The following XRCC4 variants were observed in gnomAD, a reference collection of about 807,000 sequenced individuals.
The protein encoded by XRCC4 is X-ray repair cross complementing 4, also known as DNA repair protein XRCC4.
In XRCC4, 28 loss-of-function variants were observed where a neutral mutation model predicts 39.1. That is an observed-to-expected ratio of 0.72 (90% CI 0.53 to 0.98). XRCC4 has a LOEUF of 0.98. XRCC4 is among the 50% of genes least tolerant of loss of function. The pLI, the probability that XRCC4 is intolerant of heterozygous loss-of-function variation, is 0.00. For synonymous variants in XRCC4, 123 were observed against 126.4 expected, an observed-to-expected ratio of 0.97 and a Z score of 0.18; for missense variants, 350 against 376.4, an observed-to-expected ratio of 0.93 and a Z score of 0.58.
chr5:83,198,155 A>AGAGTTGGG (rs1213329956), intron 4 of XRCC4, among the ~76,000 whole-genome samples: 1 of 152,184 alleles, frequency 6.6e-6, no homozygotes. Context: ...GAGAATCATT[A>AGAGTTGGG]GAGTTGGGGC....
chr5:83,218,080 T>TATATATATATATA, intron 6 of XRCC4, among the ~76,000 whole-genome samples: 1 of 129,186 alleles, frequency 7.7e-6, no homozygotes, highest in South Asian at 2.6e-4. Context: ...ATATATATAT[T>TATATATATATATA]TATTAGATTT....
At chr5:83,110,522 T>C (rs551918633) in intron 2 of XRCC4, among the ~76,000 whole-genome samples, 21 of 152,164 alleles carry the variant, frequency 1.4e-4, no homozygotes, top group African/African-American at 4.6e-4. Flanking sequence ...TCCTATTATT[T>C]CCTTATCATC....
At chr5:83,288,778 G>T (rs961261200) in intron 7 of XRCC4, among the ~76,000 whole-genome samples, 2 of 151,634 alleles carry the variant, frequency 1.3e-5, no homozygotes, top group Non-Finnish European at 2.9e-5. Flanking sequence ...TTGAGTTTCC[G>T]CTATGGTGTT....
At chr5:83,139,895 G>C (rs1748084858) in intron 3 of XRCC4, among the ~76,000 whole-genome samples, 1 of 152,122 alleles carries the variant, frequency 6.6e-6, no homozygotes, top group African/African-American at 2.4e-5. Context: ...TTTATGGTTG[G>C]TTGTATACTC....
At chr5:83,261,915 A>C (rs763618239) in intron 7 of XRCC4, among the ~76,000 whole-genome samples, 17 of 152,118 alleles carry the variant, frequency 1.1e-4, no homozygotes, top group Non-Finnish European at 1.6e-4. Flanking sequence ...TTTACAATGT[A>C]ACATATTAAG....
intron 4 of XRCC4, among the ~76,000 whole-genome samples, chr5:83,197,312 T>C (rs1455455132): frequency 6.6e-6 from 1 of 152,128 alleles, no homozygotes; most frequent in Non-Finnish European, 1.5e-5. Context: ...GTGTATTTTC[T>C]ATTTAATATG....
chr5:83,125,516 A>G (rs1289331623), intron 3 of XRCC4, among the ~76,000 whole-genome samples: 3 of 152,220 alleles, frequency 2.0e-5, no homozygotes, highest in Non-Finnish European at 4.4e-5. Context: ...TTCTAACACC[A>G]TTAGTTGAAA....
intron 1 of XRCC4, among the ~76,000 whole-genome samples, chr5:83,100,666 A>C (rs1320590109): frequency 6.6e-6 from 1 of 152,114 alleles, no homozygotes; most frequent in Non-Finnish European, 1.5e-5. Flanking sequence ...TGGAAATACT[A>C]TAGAGGCAAA....
At chr5:83,286,402 G>A (rs1043122037) in intron 7 of XRCC4, among the ~76,000 whole-genome samples, 5 of 152,040 alleles carry the variant, frequency 3.3e-5, no homozygotes, top group Admixed American at 3.3e-4. Context: ...ATTCATGATA[G>A]CCATAACAGT....
chr5:83,140,039 A>T (rs1748091483), intron 3 of XRCC4, among the ~76,000 whole-genome samples: 1 of 152,182 alleles, frequency 6.6e-6, no homozygotes, highest in South Asian at 2.1e-4. Flanking sequence ...TCTGGCTTTC[A>T]TTTTTCACAA....
At chr5:83,169,503 G>A (rs1242185647) in intron 3 of XRCC4, among the ~76,000 whole-genome samples, 1 of 152,148 alleles carries the variant, frequency 6.6e-6, no homozygotes, top group Non-Finnish European at 1.5e-5. Flanking sequence ...CAAAAAGCAA[G>A]TGCTGTGCTT....
chr5:83,228,588 G>T (rs1561418410), intron 6 of XRCC4, among the ~76,000 whole-genome samples: 1 of 151,954 alleles, frequency 6.6e-6, no homozygotes, highest in Non-Finnish European at 1.5e-5. Context: ...ATTTACAATG[G>T]TCACCCAGGT....
intron 1 of XRCC4, among the ~76,000 whole-genome samples, chr5:83,079,640 C>T (rs1744844481): frequency 1.3e-5 from 2 of 152,056 alleles, no homozygotes; most frequent in Admixed American, 6.6e-5. Context: ...GCGATCTATC[C>T]TCCTCCCTCA....
intron 3 of XRCC4, among the ~76,000 whole-genome samples, chr5:83,167,741 T>A (rs1449095777): frequency 1.3e-5 from 2 of 152,188 alleles, no homozygotes; most frequent in African/African-American, 4.8e-5. Flanking sequence ...CTCCTGATAC[T>A]CTTGCAAAGC....
At chr5:83,170,451 C>G (rs190176702) in intron 3 of XRCC4, among the ~76,000 whole-genome samples, 1 of 152,198 alleles carries the variant, frequency 6.6e-6, no homozygotes, top group African/African-American at 2.4e-5. Context: ...ACTGGGTTCT[C>G]TGCTCAGGAT....
At chr5:83,164,728 C>T (rs1235117635) in intron 3 of XRCC4, among the ~76,000 whole-genome samples, 1 of 152,046 alleles carries the variant, frequency 6.6e-6, no homozygotes, top group Non-Finnish European at 1.5e-5. Context: ...CTTAATAAAT[C>T]TAGAAGAAAA....
chr5:83,284,910 G>C (rs1290156544), intron 7 of XRCC4, among the ~76,000 whole-genome samples: 1 of 152,004 alleles, frequency 6.6e-6, no homozygotes, highest in East Asian at 1.9e-4. Flanking sequence ...ATATTAAACA[G>C]TAGTTTTCAA....
intron 7 of XRCC4, among the ~76,000 whole-genome samples, chr5:83,344,821 G>A (rs939856863): frequency 6.6e-6 from 1 of 152,056 alleles, no homozygotes. Context: ...TACCTTGACA[G>A]TTACTACCAA....
At chr5:83,197,432 A>G (rs940569077) in intron 4 of XRCC4, among the ~76,000 whole-genome samples, 2 of 152,172 alleles carry the variant, frequency 1.3e-5, no homozygotes, top group Non-Finnish European at 2.9e-5. Context: ...ATTGCCTACA[A>G]AAATGCAGAC....
Sources: gnomAD v4.1 joint callset for allele counts (sites outside exome capture counted in the v4.1 genomes callset) on GRCh38, gnomAD v4.1.1 for gene constraint, MANE v1.5 for transcripts, NCBI Gene and HGNC (gene_info 2026-07-23, HGNC 2026-07-21) for gene names.